Variants in NFIB observed in about 807,000 individuals in gnomAD.
NFIB encodes nuclear factor 1 B-type.
A neutral mutation model predicts 61.5 loss-of-function variants in NFIB; 11 were observed. The ratio of observed to expected loss-of-function variants is 0.18; its 90% CI spans 0.11 to 0.30. The LOEUF is 0.30. NFIB is among the 10% of genes least tolerant of loss of function. NFIB has a pLI of 1.00. For missense variants in NFIB, 471 were observed against 608.9 expected, an observed-to-expected ratio of 0.77 and a Z score of 2.38; for synonymous variants, 260 against 216.5, an observed-to-expected ratio of 1.20 and a Z score of -1.76.
chr9:14,294,913 T>C lies in NFIB; in HGVS notation c.562+12076A>G, dbSNP rs561899809. On this transcript the variant is annotated intron_variant, in intron 2 of 10. Coordinates refer to ENST00000380953, the MANE Select transcript of NFIB (RefSeq NM_001190737.2). Reference sequence around the variant, plus strand: ...GTGCAAAGTGAGGGGTGCAGTTCAGTGGCCGTAGGGAAACAAGCACCGAAA... The same window carrying C: ...GTGCAAAGTGAGGGGTGCAGTTCAGCGGCCGTAGGGAAACAAGCACCGAAA... Among the ~76,000 whole-genome samples the C allele has an allele frequency of 5.3e-5, 8 of 152,288 alleles. No homozygotes were observed. The South Asian group carries it at 1.0e-3, about 20-fold the overall frequency.
intron 2 of NFIB, among the ~76,000 whole-genome samples, chr9:14,275,942 GAAA>G (rs527759131): frequency 1.4e-5 from 2 of 140,924 alleles, no homozygotes; most frequent in African/African-American, 5.2e-5. Context: ...AACTAGGAAG[GAAA>G]AAAAAAAAAC....
intron 2 of NFIB, among the ~76,000 whole-genome samples, chr9:14,216,542 CCCTCTGTGTGTGTGTGTGTGTG>C (rs1262454336): frequency 2.4e-4 from 7 of 29,428 alleles, no homozygotes; most frequent in African/African-American, 1.4e-3. Flanking sequence ...CTCTCTCTCT[CCCTCTGTGTGTGTGTGTGTGTG>C]TGTGTGTGTG....
chr9:14,462,077 G>A, the NFIB span, among the ~76,000 whole-genome samples: 2 of 152,188 alleles, frequency 1.3e-5, no homozygotes, highest in Non-Finnish European at 2.9e-5. Context: ...AGAAATGGAA[G>A]TTTCGCATTC....
the NFIB span, among the ~76,000 whole-genome samples, chr9:14,419,677 T>C: frequency 6.6e-6 from 1 of 152,074 alleles, no homozygotes; most frequent in African/African-American, 2.4e-5. Flanking sequence ...TCCCACCCCT[T>C]CCTCCCTGTT....
intron 3 of NFIB, among the ~76,000 whole-genome samples, chr9:14,173,867 A>G (rs2045849999): frequency 6.6e-6 from 1 of 152,162 alleles, no homozygotes; most frequent in Non-Finnish European, 1.5e-5. Flanking sequence ...CTTTCACATT[A>G]AGTATTACAA....
At chr9:14,344,226 G>T (rs1304405024) in intron 1 of NFIB, among the ~76,000 whole-genome samples, 1 of 151,560 alleles carries the variant, frequency 6.6e-6, no homozygotes, top group Non-Finnish European at 1.5e-5. Flanking sequence ...CCCAAGAGAG[G>T]CACACACAGA....
chr9:14,303,396 C>A (rs2059856593), intron 2 of NFIB, among the ~76,000 whole-genome samples: 1 of 152,152 alleles, frequency 6.6e-6, no homozygotes, highest in African/African-American at 2.4e-5. Flanking sequence ...TTTGTTTTTG[C>A]TTTGCTTTCA....
chr9:14,472,375 C>T, the NFIB span, among the ~76,000 whole-genome samples: 5 of 152,154 alleles, frequency 3.3e-5, no homozygotes, highest in Non-Finnish European at 5.9e-5. Context: ...ATTCCAGATC[C>T]ACTTTGGAAC....
chr9:14,457,724 G>A, the NFIB span, among the ~76,000 whole-genome samples: 4 of 152,060 alleles, frequency 2.6e-5, no homozygotes, highest in Non-Finnish European at 5.9e-5. Flanking sequence ...TACCATCAGA[G>A]AATACTATAA....
intron 2 of NFIB, among the ~76,000 whole-genome samples, chr9:14,229,045 T>C (rs10961434): frequency 6.7e-6 from 1 of 149,210 alleles, no homozygotes; most frequent in Admixed American, 6.6e-5. Context: ...AAAAAAACAG[T>C]AGTAGAGAAA....
chr9:14,488,382 C>T, the NFIB span, among the ~76,000 whole-genome samples: 1 of 151,692 alleles, frequency 6.6e-6, no homozygotes, highest in Admixed American at 6.6e-5. Context: ...AAAAAAATCA[C>T]CTGAAAAGTT....
chr9:14,230,574 G>A (rs1299796808), intron 2 of NFIB, among the ~76,000 whole-genome samples: 1 of 152,110 alleles, frequency 6.6e-6, no homozygotes, highest in East Asian at 1.9e-4. Context: ...CAGGCACATA[G>A]TACGCACTTA....
chr9:14,382,017 G>T (rs2061494137), intron 1 of NFIB, among the ~76,000 whole-genome samples: 1 of 152,144 alleles, frequency 6.6e-6, no homozygotes, highest in Non-Finnish European at 1.5e-5. Flanking sequence ...TTTGTTTGTT[G>T]GTTTGTTTTT....
At chr9:14,507,931 G>C in the NFIB span, among the ~76,000 whole-genome samples, 2 of 150,788 alleles carry the variant, frequency 1.3e-5, no homozygotes, top group African/African-American at 2.4e-5. Flanking sequence ...TGAATCCAAA[G>C]AGGCATAAAC....
the NFIB span, among the ~76,000 whole-genome samples, chr9:14,526,764 A>T: frequency 1.3e-5 from 2 of 152,210 alleles, no homozygotes; most frequent in Non-Finnish European, 2.9e-5. Flanking sequence ...TGTCGTGAGC[A>T]TCAGATATCT....
At chr9:14,335,094 G>T (rs1371702770) in intron 1 of NFIB, among the ~76,000 whole-genome samples, 1 of 152,122 alleles carries the variant, frequency 6.6e-6, no homozygotes, top group Non-Finnish European at 1.5e-5. Flanking sequence ...GGACAATTAG[G>T]TTTTTTCCAA....
chr9:14,344,873 T>C (rs1158393510), intron 1 of NFIB, among the ~76,000 whole-genome samples: 2 of 152,142 alleles, frequency 1.3e-5, no homozygotes, highest in Non-Finnish European at 2.9e-5. Context: ...AACATAGCCA[T>C]CAAGATTAGA....
At chr9:14,349,827 G>A (rs914053073) in intron 1 of NFIB, among the ~76,000 whole-genome samples, 1 of 152,108 alleles carries the variant, frequency 6.6e-6, no homozygotes, top group Non-Finnish European at 1.5e-5. Context: ...GCTAAAAGAC[G>A]GCTCAGAACG....
chr9:14,402,771 C>T (rs1305937440), upstream of NFIB, among the ~76,000 whole-genome samples: 1 of 152,102 alleles, frequency 6.6e-6, no homozygotes, highest in Non-Finnish European at 1.5e-5. Context: ...GACACTGTCA[C>T]GTGGCAGATG....
Sources: allele counts gnomAD v4.1 joint callset (sites outside exome capture counted in the v4.1 genomes callset), GRCh38; gene constraint gnomAD v4.1.1; transcripts MANE v1.5; gene names NCBI Gene and HGNC (gene_info 2026-07-23, HGNC 2026-07-21).